INSL6: variants seen among roughly 807,000 people sequenced by gnomAD.
INSL6 encodes insulin-like peptide INSL6.
INSL6 carries 16 observed loss-of-function variants against 9.4 expected under a neutral mutation model. The ratio of observed to expected loss-of-function variants is 1.70; its 90% CI spans 1.15 to 2.59. INSL6 has a LOEUF of 2.59. Among genes scored for constraint, INSL6 ranks in the 30% most tolerant of loss-of-function variants. INSL6 has a pLI of 0.00. For synonymous variants in INSL6, 154 were observed against 96.9 expected (o/e 1.59, Z -3.46); for missense variants, 391 against 257.3 (o/e 1.52, Z -3.56).
At chr9:5,144,021 G>T (rs773668983) in intron 2 of INSL6, among the ~76,000 whole-genome samples, 61 of 152,098 alleles carry the variant, frequency 4.0e-4, no homozygotes, top group Non-Finnish European at 7.2e-4. Flanking sequence ...CTCTGATTTT[G>T]GTTATTTCTT....
At chr9:5,160,879 A>G (rs1250801817), downstream of INSL6, among the ~76,000 whole-genome samples, 1 of 152,208 alleles carries the variant, frequency 6.6e-6, no homozygotes, top group African/African-American at 2.4e-5. Flanking sequence ...ACTTACCAAG[A>G]TTAAAACATG....
the INSL6 span, among the ~76,000 whole-genome samples, chr9:5,031,589 T>C: frequency 1.3e-5 from 2 of 152,178 alleles, no homozygotes; most frequent in Admixed American, 1.3e-4. Flanking sequence ...ATCAGATTGA[T>C]ATGTAAATAG....
At chr9:5,042,263 A>G in the INSL6 span, among the ~76,000 whole-genome samples, 58 of 148,972 alleles carry the variant, frequency 3.9e-4, no homozygotes, top group South Asian at 5.7e-3. Flanking sequence ...TCAGCCTCCC[A>G]AGTAGCTGGG....
the INSL6 span, chr9:5,054,709 A>G: frequency 1.2e-6 from 2 of 1,613,388 alleles, no homozygotes; most frequent in Non-Finnish European, 1.7e-6. The surrounding 1 kb of genome is among the most constrained non-coding windows in gnomAD (Gnocchi z 4.9). Context: ...AAACTTAAGT[A>G]TCTTATAAAT....
chr9:5,013,744 C>T, the INSL6 span, among the ~76,000 whole-genome samples: 1 of 152,094 alleles, frequency 6.6e-6, no homozygotes, highest in Non-Finnish European at 1.5e-5. Flanking sequence ...TAATTATGAT[C>T]ATTTTCTTCT....
the INSL6 span, among the ~76,000 whole-genome samples, chr9:5,001,984 T>G: frequency 6.6e-6 from 1 of 152,034 alleles, no homozygotes; most frequent in African/African-American, 2.4e-5. Context: ...TCTTTTTATA[T>G]CCACTTACTG....
the INSL6 span, among the ~76,000 whole-genome samples, chr9:5,093,601 C>A: frequency 6.6e-6 from 1 of 152,122 alleles, no homozygotes; most frequent in Non-Finnish European, 1.5e-5. Context: ...ACTATCTCTG[C>A]ATTAAAAATT....
chr9:5,057,938 GA>G, the INSL6 span, among the ~76,000 whole-genome samples: 1 of 152,054 alleles, frequency 6.6e-6, no homozygotes, highest in African/African-American at 2.4e-5. Context: ...AAAGCAGGCT[GA>G]AACAATACTG....
chr9:5,068,324 G>A, the INSL6 span, among the ~76,000 whole-genome samples: 1 of 152,144 alleles, frequency 6.6e-6, no homozygotes, highest in African/African-American at 2.4e-5. Context: ...TCATAATATA[G>A]TGCATAAGAC....
At chr9:5,178,869 G>A (rs1481195317) in intron 1 of INSL6, among the ~76,000 whole-genome samples, 1 of 151,986 alleles carries the variant, frequency 6.6e-6, no homozygotes, top group Non-Finnish European at 1.5e-5. Flanking sequence ...AACTCAAGAT[G>A]GATTAAAGAC....
chr9:5,038,356 A>G, the INSL6 span, among the ~76,000 whole-genome samples: 1 of 152,116 alleles, frequency 6.6e-6, no homozygotes, highest in Non-Finnish European at 1.5e-5. Flanking sequence ...ATCACACATT[A>G]AAAAAATTAT....
the INSL6 span, among the ~76,000 whole-genome samples, chr9:5,030,822 C>G: frequency 6.6e-6 from 1 of 151,780 alleles, no homozygotes; most frequent in African/African-American, 2.4e-5. Flanking sequence ...TTACTGATGT[C>G]TAATGTATAA....
At chr9:5,049,052 T>C in the INSL6 span, among the ~76,000 whole-genome samples, 1 of 152,356 alleles carries the variant, frequency 6.6e-6, no homozygotes, top group East Asian at 1.9e-4. Flanking sequence ...GTTTCTCTCT[T>C]CTTCATTCTT....
At chr9:5,158,623 G>A (rs952106922) in intron 2 of INSL6, among the ~76,000 whole-genome samples, 2 of 151,914 alleles carry the variant, frequency 1.3e-5, no homozygotes, top group Non-Finnish European at 2.9e-5. Flanking sequence ...CCCTACAAGA[G>A]TATATCCAGC....
At chr9:5,109,164 T>C in the INSL6 span, 2 of 152,156 alleles carry the variant, frequency 1.3e-5, no homozygotes, top group Non-Finnish European at 2.9e-5. Context: ...CACAACACAA[T>C]GAGGGACACT....
At chr9:5,156,450 C>T (rs1353128407) in intron 2 of INSL6, among the ~76,000 whole-genome samples, 1 of 152,018 alleles carries the variant, frequency 6.6e-6, no homozygotes, top group East Asian at 1.9e-4. Flanking sequence ...ATCTGGATTC[C>T]TCAAATGATC....
the INSL6 span, among the ~76,000 whole-genome samples, chr9:5,011,487 G>A: frequency 6.6e-6 from 1 of 152,142 alleles, no homozygotes; most frequent in Non-Finnish European, 1.5e-5. Context: ...ATGACTCCTG[G>A]CCTAGATTTC....
chr9:5,115,879 G>A, the INSL6 span, among the ~76,000 whole-genome samples: 2 of 152,114 alleles, frequency 1.3e-5, no homozygotes, highest in African/African-American at 4.8e-5. Context: ...GACACAGGGA[G>A]GGGAACATCA....
chr9:5,036,344 G>A, the INSL6 span, among the ~76,000 whole-genome samples: 14,803 of 152,148 alleles, frequency 0.097, 2,203 homozygotes, highest in African/African-American at 0.32. Context: ...TCAAGCTACA[G>A]ATGACTTTCT....
Sources: gnomAD v4.1 joint callset for allele counts (sites outside exome capture counted in the v4.1 genomes callset) on GRCh38, gnomAD v4.1.1 for gene constraint, Gnocchi (gnomAD v3.1) non-coding constraint, MANE v1.5 for transcripts, NCBI Gene and HGNC (gene_info 2026-07-23, HGNC 2026-07-21) for gene names.